Variants in PHF21A observed in about 807,000 individuals in gnomAD.
PHF21A encodes the protein PHD finger protein 21A, also known as BHC80a.
PHF21A carries 11 observed loss-of-function variants against 82.5 expected under a neutral mutation model. The observed-to-expected ratio is 0.13, with a 90% CI of 0.08 to 0.22. PHF21A has a LOEUF of 0.22. Among genes scored for constraint, PHF21A ranks in the 10% least tolerant of loss-of-function variants. PHF21A has a pLI of 1.00. For synonymous variants in PHF21A, 297 were observed against 302.8 expected (o/e 0.98, Z 0.20); for missense variants, 579 against 837.8 (o/e 0.69, Z 3.81).
chr11:46,067,169 ACTATG>A, intron 6 of PHF21A, among the ~76,000 whole-genome samples: 1 of 152,264 alleles, frequency 6.6e-6, no homozygotes, highest in Admixed American at 6.5e-5. Context: ...GGATTTCTGT[ACTATG>A]TTGTCCTGTA....
intron 1 of PHF21A, among the ~76,000 whole-genome samples, chr11:46,093,404 C>T (rs953607274): frequency 3.9e-5 from 6 of 152,274 alleles, no homozygotes; most frequent in East Asian, 3.9e-4. Flanking sequence ...ACCAAACATA[C>T]GATAAAATTA....
In PHF21A at chr11:46,102,063, G is replaced by T. The variant is rs550009694; in HGVS notation, c.-236-9840C>A. 3.3e-5 allele frequency among the ~76,000 whole-genome samples: 5 copies of T among 152,086 alleles called. No homozygotes were observed. In the South Asian group the frequency reaches 1.0e-3, roughly 32 times the overall value. ...AGTAGAGACAGGGTTTCATCATGTT[G>T]GCCAGGATGGTCTCAAACTCCTGAC... is the stretch of plus-strand genomic sequence containing the variant. On this transcript the variant is annotated intron_variant, in intron 1 of 18. Coordinates refer to ENST00000676320, the MANE Select transcript of PHF21A (RefSeq NM_001352027.3).
chr11:45,952,661 C>T lies in PHF21A; in HGVS notation c.1095+866G>A, dbSNP rs187202414. ...TTTCATATCAGAAAGAATTACATTTCGTACTTGTTTTAGGAAACCTGAACT... is the reference window on the plus strand; with the variant it reads ...TTTCATATCAGAAAGAATTACATTTTGTACTTGTTTTAGGAAACCTGAACT... On this transcript the variant is annotated intron_variant, in intron 11 of 18. Coordinates refer to ENST00000676320, the MANE Select transcript of PHF21A (RefSeq NM_001352027.3). 2.8e-3 allele frequency among the ~76,000 whole-genome samples: 427 copies of T among 152,280 alleles called. 1 individual carries two copies. Among genetic ancestry groups the T allele is most frequent in the African/African-American group, 9.9e-3 (410 of 41,560 alleles).
At chr11:46,076,249 G>C (rs544120597) in intron 6 of PHF21A, among the ~76,000 whole-genome samples, 1 of 152,170 alleles carries the variant, frequency 6.6e-6, no homozygotes, top group South Asian at 2.1e-4. Flanking sequence ...ACATTTCACC[G>C]AAGTTTTTTC....
At chr11:46,058,343 C>A (rs766819387) in intron 6 of PHF21A, among the ~76,000 whole-genome samples, 1 of 152,102 alleles carries the variant, frequency 6.6e-6, no homozygotes, top group Non-Finnish European at 1.5e-5. Context: ...GTTGGTAAAA[C>A]GAAACCTGAT....
intron 11 of PHF21A, among the ~76,000 whole-genome samples, chr11:45,952,047 C>T (rs1205190486): frequency 1.3e-5 from 2 of 152,110 alleles, no homozygotes; most frequent in East Asian, 1.9e-4. Context: ...TCAGGTGGTC[C>T]GCCCGCCTCA....
At position 46,055,185 on chromosome 11, in the gene PHF21A, T is replaced by G. The variant is rs566922604; in HGVS notation, c.153+21569A>C. Among the ~76,000 whole-genome samples the G allele has an allele frequency of 1.1e-3, 171 of 152,292 alleles. 1 individual carries two copies. Among genetic ancestry groups the G allele is most frequent in the Admixed American group, 4.6e-4 (7 of 15,286 alleles). ...TAGAATCCTTCTGGACATTAATAAT[T>G]TATCCCATTCTGTTATAGATCTCTT... On this transcript the variant is annotated intron_variant, in intron 6 of 18. Transcript: ENST00000676320.
intron 10 of PHF21A, among the ~76,000 whole-genome samples, chr11:45,955,733 G>A (rs2092583817): frequency 6.6e-6 from 1 of 152,190 alleles, no homozygotes; most frequent in Non-Finnish European, 1.5e-5. Context: ...ATTGGTGGTG[G>A]TGGAGGGTGT....
chr11:46,073,626 C>T (rs2096683513), intron 6 of PHF21A, among the ~76,000 whole-genome samples: 2 of 152,074 alleles, frequency 1.3e-5, no homozygotes, highest in Non-Finnish European at 2.9e-5. Context: ...TTTACACGCC[C>T]ACATACATAT....
rs2094664046 is a variant in PHF21A at position 45,990,662 on chromosome 11, C to CTGT, written c.154-10697_154-10696insACA. On this transcript the variant is annotated intron_variant, in intron 6 of 18. Transcript: ENST00000676320. ...TACATACAGCAAAAGTATTGACATG[C>CTGT]ATGGTCAAAAGAGGACACTACAATG... Among the ~76,000 whole-genome samples, 5 of 151,418 alleles carry CTGT rather than the reference C, an allele frequency of 3.3e-5. No individual in the cohort carries two copies. In the South Asian group the frequency reaches 1.0e-3, roughly 32 times the overall value.
intron 1 of PHF21A, among the ~76,000 whole-genome samples, chr11:46,105,499 A>C (rs545528391): frequency 1.3e-4 from 20 of 152,298 alleles, no homozygotes; most frequent in African/African-American, 4.6e-4. Flanking sequence ...AGGAACTGCA[A>C]GAAATGGGCA....
intron 1 of PHF21A, among the ~76,000 whole-genome samples, chr11:46,104,582 G>A (rs573884045): frequency 4.6e-5 from 7 of 151,948 alleles, no homozygotes; most frequent in African/African-American, 1.2e-4. Flanking sequence ...TTCTCACCAC[G>A]CATTTCAAGG....
intron 7 of PHF21A, among the ~76,000 whole-genome samples, chr11:45,972,505 C>T (rs2093816877): frequency 6.6e-6 from 1 of 152,216 alleles, no homozygotes; most frequent in African/African-American, 2.4e-5. Context: ...TGGCCAGGCG[C>T]AGTGGCTCAC....
chr11:46,092,821 A>G (rs547169314), intron 1 of PHF21A, among the ~76,000 whole-genome samples: 1 of 150,698 alleles, frequency 6.6e-6, no homozygotes, highest in East Asian at 1.9e-4. Context: ...GCAGTGGCAC[A>G]ATCACAGCTC....
Position 45,930,821 on chromosome 11 carries a change from G to C in PHF21A, c.*3147C>G, listed in dbSNP as rs1005694239. 6.6e-6 allele frequency: 1 copy of C among 152,460 alleles called. No individual in the cohort carries two copies. The highest frequency in any genetic ancestry group is 2.4e-5 in the African/African-American group (1 of 41,438). The allele number at this position is 152,460 out of a possible 1,614,324, so 9.4% of individuals were successfully genotyped here. A position where few individuals can be genotyped will look rare whatever the true frequency, so the allele number is the denominator to read the frequency against. ...AGCTAAATTCTGGGCCGTGGGGAAA[G>C]AGCAGCGGAGGGAAGGAGGAGGAAG... On this transcript the variant is annotated 3_prime_UTR_variant, in exon 19 of 19. Transcript: ENST00000676320.
chr11:46,006,131 G>A (rs909350770), intron 6 of PHF21A, among the ~76,000 whole-genome samples: 3 of 152,130 alleles, frequency 2.0e-5, no homozygotes, highest in African/African-American at 4.8e-5. Context: ...TAAAGAACCA[G>A]ATTAACTGAC....
chr11:46,086,468 TATC>T (rs1189199464), intron 3 of PHF21A, among the ~76,000 whole-genome samples: 2 of 152,178 alleles, frequency 1.3e-5, no homozygotes, highest in Non-Finnish European at 2.9e-5. Context: ...AATCAATAAA[TATC>T]AGAATCATTA....
chr11:46,054,387 T>C (rs1410902636), intron 6 of PHF21A, among the ~76,000 whole-genome samples: 1 of 152,164 alleles, frequency 6.6e-6, no homozygotes, highest in African/African-American at 2.4e-5. Context: ...CTATGTCAAA[T>C]TGGCTTGGGG....
In PHF21A at chr11:45,978,779, C is replaced by T. The variant is rs540888638; in HGVS notation, c.360+981G>A. Among the ~76,000 whole-genome samples the T allele has an allele frequency of 4.7e-4, 72 of 152,234 alleles. 1 individual carries two copies. In the South Asian group the frequency reaches 9.8e-3, roughly 21 times the overall value. ...ATTTGGAATATCATTTCCAAATACGCCCTTTTTGTGTATCTTGATTGCCTC... is the reference window on the plus strand; with the variant it reads ...ATTTGGAATATCATTTCCAAATACGTCCTTTTTGTGTATCTTGATTGCCTC... On this transcript the variant is annotated intron_variant, in intron 7 of 18. Transcript: ENST00000676320.
Sources: allele counts gnomAD v4.1 joint callset (sites outside exome capture counted in the v4.1 genomes callset), GRCh38; gene constraint gnomAD v4.1.1; transcripts MANE v1.5; gene names NCBI Gene and HGNC (gene_info 2026-07-23, HGNC 2026-07-21).